The following ANKS1B variants were observed in gnomAD, a reference collection of about 807,000 sequenced individuals.
ANKS1B encodes the protein ankyrin repeat and sterile alpha motif domain-containing protein 1B.
In ANKS1B, 36 loss-of-function variants were observed where a neutral mutation model predicts 148.3. The observed-to-expected ratio is 0.24, with a 90% confidence interval of 0.19 to 0.32. The LOEUF (loss-of-function observed/expected upper bound fraction) is 0.32, where lower values mean the gene tolerates loss of function less well. Ranked by LOEUF, ANKS1B falls within the 10% of genes least tolerant of loss-of-function variation. ANKS1B has a pLI of 1.00. For synonymous variants in ANKS1B, 542 were observed against 560.8 expected (o/e 0.97, Z 0.47); for missense variants, 1,157 against 1,542.6 (o/e 0.75, Z 4.19).
chr12:99,254,726 A>T (rs1443027565), intron 12 of ANKS1B, among the ~76,000 whole-genome samples: 4 of 152,148 alleles, frequency 2.6e-5, no homozygotes, highest in African/African-American at 4.8e-5. Flanking sequence ...TTGTGACTAG[A>T]TATTGAGTTT....
intron 12 of ANKS1B, among the ~76,000 whole-genome samples, chr12:99,387,800 C>T (rs953494116): frequency 2.6e-5 from 4 of 151,758 alleles, no homozygotes; most frequent in Non-Finnish European, 4.4e-5. Context: ...ACCCAGTTTA[C>T]GGTATTTTGT....
intron 11 of ANKS1B, among the ~76,000 whole-genome samples, chr12:99,403,468 C>CT (rs2094461023): frequency 7.6e-6 from 1 of 132,074 alleles, no homozygotes; most frequent in Non-Finnish European, 1.6e-5. Flanking sequence ...CCAATGCCCA[C>CT]TTTTTAATGG....
chr12:99,278,852 A>G (rs1352513841), intron 12 of ANKS1B, among the ~76,000 whole-genome samples: 1 of 152,242 alleles, frequency 6.6e-6, no homozygotes, highest in Non-Finnish European at 1.5e-5. Context: ...TGGACAATGT[A>G]ATTGCATTAA....
intron 20 of ANKS1B, among the ~76,000 whole-genome samples, chr12:98,805,314 T>TTA (rs1487124110): frequency 1.3e-5 from 2 of 151,858 alleles, no homozygotes; most frequent in Admixed American, 6.6e-5. Flanking sequence ...GGCCTTTTTT[T>TTA]TTATTAAGCA....
chr12:99,728,847 A>C (rs946463353), intron 8 of ANKS1B, among the ~76,000 whole-genome samples: 1 of 151,996 alleles, frequency 6.6e-6, no homozygotes, highest in Non-Finnish European at 1.5e-5. Flanking sequence ...AAGCCATCCT[A>C]ACTAACTAAC....
At chr12:98,932,926 T>C (rs1037245872) in intron 17 of ANKS1B, among the ~76,000 whole-genome samples, 12 of 152,218 alleles carry the variant, frequency 7.9e-5, no homozygotes, top group African/African-American at 2.9e-4. Flanking sequence ...TTAAAAATTA[T>C]TTGTATAAAC....
intron 6 of ANKS1B, among the ~76,000 whole-genome samples, chr12:99,777,461 A>G (rs548441263): frequency 3.3e-5 from 5 of 152,234 alleles, no homozygotes; most frequent in Non-Finnish European, 5.9e-5. Context: ...AAACCAATGC[A>G]GTATGTTTTT....
intron 9 of ANKS1B, among the ~76,000 whole-genome samples, chr12:99,508,030 C>A (rs962387138): frequency 2.0e-5 from 3 of 151,706 alleles, no homozygotes; most frequent in African/African-American, 7.3e-5. Flanking sequence ...ATGTAAGTAT[C>A]AATAAAAAAT....
At chr12:99,088,846 T>G (rs932190413) in intron 15 of ANKS1B, among the ~76,000 whole-genome samples, 2 of 136,746 alleles carry the variant, frequency 1.5e-5, no homozygotes, top group African/African-American at 5.5e-5. Flanking sequence ...CTGTTTTTTT[T>G]TTTTTTTTTT....
Position 98,751,757 on chromosome 12 carries a change from A to G in ANKS1B, c.3580-235T>C, listed in dbSNP as rs565454710. 5.3e-5 allele frequency among the ~76,000 whole-genome samples: 8 copies of G among 152,326 alleles called. No individual in the cohort carries two copies. The highest frequency in any genetic ancestry group is 1.2e-4 in the Non-Finnish European group (8 of 68,022). ...AATCTTGGGACCTCAAATCACTAAG[A>G]CAAACGAAAAAGTCAGCTGGGAACT... On this transcript the variant is annotated intron_variant, in intron 25 of 26. Transcript: ENST00000683438. The surrounding 1 kb of genome is among the most constrained non-coding windows in gnomAD (Gnocchi z 4.3).
intron 25 of ANKS1B, among the ~76,000 whole-genome samples, chr12:98,759,133 C>G (rs186440187): frequency 6.6e-6 from 1 of 152,052 alleles, no homozygotes; most frequent in Admixed American, 6.6e-5. Flanking sequence ...GCTTAAGGAA[C>G]CACTGTATCA....
chr12:99,521,526 C>A (rs575714203), intron 9 of ANKS1B, among the ~76,000 whole-genome samples: 1 of 152,202 alleles, frequency 6.6e-6, no homozygotes, highest in South Asian at 2.1e-4. Flanking sequence ...TTGTGCCTGT[C>A]CTTCTTGGCA....
chr12:99,296,952 G>T (rs191124103), intron 12 of ANKS1B, among the ~76,000 whole-genome samples: 10 of 152,248 alleles, frequency 6.6e-5, no homozygotes, highest in African/African-American at 2.4e-4. Flanking sequence ...TGAAGATTAT[G>T]AATTGCGTTG....
intron 9 of ANKS1B, among the ~76,000 whole-genome samples, chr12:99,578,187 T>C (rs1370082650): frequency 6.6e-6 from 1 of 151,984 alleles, no homozygotes; most frequent in Non-Finnish European, 1.5e-5. Flanking sequence ...ATAAAAACCC[T>C]CAACAAATTA....
At chr12:99,095,551 G>C (rs1445438579) in intron 15 of ANKS1B, among the ~76,000 whole-genome samples, 1 of 152,176 alleles carries the variant, frequency 6.6e-6, no homozygotes, top group Non-Finnish European at 1.5e-5. Context: ...ATAGGCCATG[G>C]AAGGGTTAGT....
intron 9 of ANKS1B, among the ~76,000 whole-genome samples, chr12:99,570,103 C>T (rs2097436418): frequency 6.6e-6 from 1 of 152,050 alleles, no homozygotes. Context: ...GATTCTTAAG[C>T]CTTGAACCTT....
chr12:99,524,527 G>T (rs1368273165), intron 9 of ANKS1B, among the ~76,000 whole-genome samples: 2 of 152,188 alleles, frequency 1.3e-5, no homozygotes, highest in Non-Finnish European at 2.9e-5. Flanking sequence ...TGTCAGTGAT[G>T]CAACACGAGG....
At chr12:99,409,225 C>T (rs946792225) in intron 11 of ANKS1B, among the ~76,000 whole-genome samples, 7 of 152,044 alleles carry the variant, frequency 4.6e-5, no homozygotes, top group African/African-American at 7.2e-5. Context: ...GAAGTCATTA[C>T]GTTAAGTGAA....
intron 1 of ANKS1B, among the ~76,000 whole-genome samples, chr12:99,909,091 T>C (rs561116040): frequency 6.9e-6 from 1 of 145,570 alleles, no homozygotes; most frequent in African/African-American, 2.5e-5. Flanking sequence ...ATTCTGCACA[T>C]AAGTGAGATC....
Sources: gnomAD v4.1 joint callset for allele counts (sites outside exome capture counted in the v4.1 genomes callset) on GRCh38, gnomAD v4.1.1 for gene constraint, Gnocchi (gnomAD v3.1) non-coding constraint, MANE v1.5 for transcripts, NCBI Gene and HGNC (gene_info 2026-07-23, HGNC 2026-07-21) for gene names.